The following RRAS2 variants were observed in gnomAD, a reference collection of about 807,000 sequenced individuals.
RRAS2 encodes the protein ras-related protein R-Ras2.
RRAS2 carries 7 observed loss-of-function variants against 27.6 expected under a neutral mutation model. The observed-to-expected ratio is 0.25, with a 90% CI of 0.14 to 0.48. The LOEUF is 0.48. RRAS2 is among the 20% of genes least tolerant of loss of function. The pLI, the probability that RRAS2 is intolerant of heterozygous loss-of-function variation, is 0.99. For missense variants in RRAS2, 178 were observed against 256.2 expected (o/e 0.69, Z 2.08); for synonymous variants, 86 against 90.9 (o/e 0.95, Z 0.31).
intron 1 of RRAS2, among the ~76,000 whole-genome samples, chr11:14,303,772 A>G (rs1219582665): frequency 1.3e-5 from 2 of 152,028 alleles, no homozygotes; most frequent in Admixed American, 1.3e-4. Context: ...CATCTCTTCT[A>G]CCCACAACAA....
At chr11:14,282,468 A>G (rs1849566784) in intron 4 of RRAS2, among the ~76,000 whole-genome samples, 1 of 152,190 alleles carries the variant, frequency 6.6e-6, no homozygotes, top group Admixed American at 6.5e-5. Context: ...GAAAACATAA[A>G]CTGAATGTAA....
chr11:14,355,791 C>T (rs1849060676), intron 1 of RRAS2, among the ~76,000 whole-genome samples: 1 of 152,100 alleles, frequency 6.6e-6, no homozygotes, highest in African/African-American at 2.4e-5. Flanking sequence ...CCATTCTAAT[C>T]TCCTACCAAG....
intron 1 of RRAS2, among the ~76,000 whole-genome samples, chr11:14,340,066 G>A (rs1264149739): frequency 1.9e-4 from 28 of 149,606 alleles, no homozygotes; most frequent in Admixed American, 9.3e-4. Flanking sequence ...TGTGGGGGAG[G>A]TTGCAGTGAG....
At chr11:14,326,956 C>G (rs7937578) in intron 1 of RRAS2, among the ~76,000 whole-genome samples, 56,996 of 57,028 alleles carry the variant, frequency 1, 28,483 homozygotes, top group Middle Eastern at 1. Flanking sequence ...AGCTACTTGG[C>G]AGGCTGAGGC....
chr11:14,304,209 A>G (rs1260086239), intron 1 of RRAS2, among the ~76,000 whole-genome samples: 1 of 152,220 alleles, frequency 6.6e-6, no homozygotes, highest in Non-Finnish European at 1.5e-5. Flanking sequence ...AATTCTCAGA[A>G]TGACTCCATT....
At chr11:14,332,593 C>A (rs1482959144) in intron 1 of RRAS2, among the ~76,000 whole-genome samples, 2 of 152,124 alleles carry the variant, frequency 1.3e-5, no homozygotes, top group Admixed American at 6.6e-5. Context: ...GCAAAAACAT[C>A]CCAGACACAA....
chr11:14,285,944 G>A lies in RRAS2; in HGVS notation c.409-4224C>T, dbSNP rs12790851. Among the ~76,000 whole-genome samples, 909 of 151,902 alleles carry A rather than the reference G, an allele frequency of 6.0e-3. 3 individuals are homozygous for A. Among genetic ancestry groups the A allele is most frequent in the Non-Finnish European group, 0.01 (697 of 67,972 alleles). Reference sequence around the variant, plus strand: ...ATTTTCTTCATATTTCTTGTGCTCCGGGTTTGTTGAGCTTCTTGGATGTGT... The same window carrying A: ...ATTTTCTTCATATTTCTTGTGCTCCAGGTTTGTTGAGCTTCTTGGATGTGT... On this transcript the variant is annotated intron_variant, in intron 4 of 5. Transcript: ENST00000256196.
At chr11:14,291,109 A>T (rs1399532523) in intron 4 of RRAS2, among the ~76,000 whole-genome samples, 1 of 152,178 alleles carries the variant, frequency 6.6e-6, no homozygotes, top group African/African-American at 2.4e-5. Flanking sequence ...CTGTGCACTC[A>T]TGTTAGTAGA....
At position 14,358,895 on chromosome 11, in the gene RRAS2, A is replaced by T; in HGVS notation, c.-25T>A. ...TGGGGACGCTACAGAGCCCAGCCTG[A>T]CTGCGCCGAGCCGCCGCTGCCGCCC... On this transcript the variant is annotated 5_prime_UTR_variant, in exon 1 of 6. Coordinates refer to ENST00000256196, the MANE Select transcript of RRAS2 (RefSeq NM_012250.6). The surrounding 1 kb of genome is among the most constrained non-coding windows in gnomAD (Gnocchi z 5.1). 7.3e-7 allele frequency: 1 copy of T among 1,366,862 alleles called. No individual in the cohort carries two copies. The highest frequency in any genetic ancestry group is 2.7e-4 in the Middle Eastern group (1 of 3,676). The allele number at this position is 1,366,862 out of a possible 1,614,324, so 84.7% of individuals were successfully genotyped here.
intron 4 of RRAS2, among the ~76,000 whole-genome samples, chr11:14,288,116 G>A (rs558807920): frequency 3.0e-4 from 46 of 152,198 alleles, no homozygotes; most frequent in Admixed American, 1.6e-3. Context: ...GAGTAGTTGG[G>A]ACTACAGGCA....
chr11:14,299,776 G>A (rs782200373), intron 1 of RRAS2, among the ~76,000 whole-genome samples: 1 of 152,156 alleles, frequency 6.6e-6, no homozygotes, highest in Admixed American at 6.6e-5. Flanking sequence ...AGGTATTACT[G>A]GGGGCAAGAG....
chr11:14,360,606 C>T (rs1192178013), upstream of RRAS2, among the ~76,000 whole-genome samples: 2 of 152,014 alleles, frequency 1.3e-5, no homozygotes, highest in African/African-American at 4.8e-5. Context: ...TCTATGTTAC[C>T]CAGGCTAGTC....
chr11:14,332,717 G>C (rs1423394026), intron 1 of RRAS2, among the ~76,000 whole-genome samples: 2 of 152,088 alleles, frequency 1.3e-5, no homozygotes, highest in African/African-American at 2.4e-5. Context: ...AGATAGAAAT[G>C]TCCTATATGT....
At chr11:14,301,093 T>C (rs1474312455) in intron 1 of RRAS2, among the ~76,000 whole-genome samples, 2 of 151,934 alleles carry the variant, frequency 1.3e-5, no homozygotes, top group Non-Finnish European at 2.9e-5. Flanking sequence ...AGGAAAGTCG[T>C]AGGAGTTCTC....
chr11:14,342,862 A>G (rs1314854229), intron 1 of RRAS2, among the ~76,000 whole-genome samples: 2 of 152,244 alleles, frequency 1.3e-5, no homozygotes, highest in African/African-American at 4.8e-5. Context: ...AATTAAAAAT[A>G]TGACAAGGCT....
At chr11:14,356,067 T>G (rs1438332696) in intron 1 of RRAS2, among the ~76,000 whole-genome samples, 25 of 152,220 alleles carry the variant, frequency 1.6e-4, no homozygotes, top group Admixed American at 1.6e-3. Context: ...CAGCTATATG[T>G]GGTCCACCAT....
At chr11:14,311,806 A>G (rs1383398326) in intron 1 of RRAS2, among the ~76,000 whole-genome samples, 1 of 152,232 alleles carries the variant, frequency 6.6e-6, no homozygotes, top group African/African-American at 2.4e-5. Context: ...AAACTACGAA[A>G]GTTACATAAA....
chr11:14,280,965 T>C (rs1849517720), intron 5 of RRAS2, among the ~76,000 whole-genome samples: 1 of 152,152 alleles, frequency 6.6e-6, no homozygotes, highest in African/African-American at 2.4e-5. Flanking sequence ...TGGAACCCGT[T>C]AACACTTTTT....
chr11:14,318,127 T>C (rs896593133), intron 1 of RRAS2, among the ~76,000 whole-genome samples: 12 of 152,212 alleles, frequency 7.9e-5, no homozygotes, highest in African/African-American at 2.9e-4. Flanking sequence ...AAGGCTTTTC[T>C]ATGTGTAAAC....
Sources: gnomAD v4.1 joint callset for allele counts (sites outside exome capture counted in the v4.1 genomes callset) on GRCh38, gnomAD v4.1.1 for gene constraint, Gnocchi (gnomAD v3.1) non-coding constraint, MANE v1.5 for transcripts, NCBI Gene and HGNC (gene_info 2026-07-23, HGNC 2026-07-21) for gene names.